Variants in ARHGAP5 observed in about 807,000 individuals in gnomAD.
The protein encoded by ARHGAP5 is Rho GTPase activating protein 5, also known as rho GTPase-activating protein 5.
ARHGAP5 carries 23 observed loss-of-function variants against 116.6 expected under a neutral mutation model. The ratio of observed to expected loss-of-function variants is 0.20; its 90% CI spans 0.14 to 0.28. The LOEUF is 0.28. ARHGAP5 is among the 10% of genes least tolerant of loss of function. The pLI is 1.00. For missense variants in ARHGAP5, 1,405 were observed against 1,774.8 expected, an observed-to-expected ratio of 0.79 and a Z score of 3.74; for synonymous variants, 574 against 602.0, an observed-to-expected ratio of 0.95 and a Z score of 0.68.
At chr14:32,130,366 C>T (rs924549084) in intron 3 of ARHGAP5, among the ~76,000 whole-genome samples, 3 of 149,534 alleles carry the variant, frequency 2.0e-5, no homozygotes, top group African/African-American at 7.4e-5. Context: ...TGCCTGCTAT[C>T]ACACCAGGCT....
intron 2 of ARHGAP5, 90 bp from the exon 3 acceptor site, chr14:32,117,050 C>A (rs1879639526): frequency 9.8e-7 from 1 of 1,020,426 alleles, no homozygotes; most frequent in Non-Finnish European, 1.3e-6. Context: ...TAAAATTTTT[C>A]TTTTGATCCG....
chr14:32,134,973 A>C (rs1207887211), intron 3 of ARHGAP5, among the ~76,000 whole-genome samples: 1 of 152,048 alleles, frequency 6.6e-6, no homozygotes, highest in Non-Finnish European at 1.5e-5. Context: ...CCAGTTGTCC[A>C]GGCCTCAGGT....
At chr14:32,104,814 C>T (rs1057025176) in intron 2 of ARHGAP5, among the ~76,000 whole-genome samples, 6 of 152,030 alleles carry the variant, frequency 3.9e-5, no homozygotes, top group Admixed American at 3.9e-4. Flanking sequence ...AGAAATATAT[C>T]TGTAGCTATT....
chr14:32,131,983 C>A (rs972099018), intron 3 of ARHGAP5, among the ~76,000 whole-genome samples: 2 of 152,194 alleles, frequency 1.3e-5, no homozygotes, highest in African/African-American at 2.4e-5. Flanking sequence ...CCAGTCTGTC[C>A]TTGTTGGACA....
chr14:32,143,227 G>GTTATTATTATTA (rs1277351875), intron 3 of ARHGAP5, among the ~76,000 whole-genome samples: 18 of 147,666 alleles, frequency 1.2e-4, no homozygotes, highest in African/African-American at 4.0e-4. Flanking sequence ...TGTTGTTGTT[G>GTTATTATTATTA]TTGTTGTTGT....
At chr14:32,142,403 G>C (rs1473522135) in intron 3 of ARHGAP5, among the ~76,000 whole-genome samples, 1 of 152,128 alleles carries the variant, frequency 6.6e-6, no homozygotes, top group African/African-American at 2.4e-5. Flanking sequence ...TGCTTTTGCT[G>C]TGTGTTGTTT....
At chr14:32,140,348 G>A (rs1427269583) in intron 3 of ARHGAP5, among the ~76,000 whole-genome samples, 1 of 151,774 alleles carries the variant, frequency 6.6e-6, no homozygotes, top group Non-Finnish European at 1.5e-5. Context: ...TTGGGAGGCC[G>A]AGGCAGGTGG....
intron 6 of ARHGAP5, 57 bp downstream of exon 6, chr14:32,152,585 A>T (rs994263557): frequency 5.5e-6 from 5 of 917,052 alleles, no homozygotes; most frequent in South Asian, 1.7e-5. Flanking sequence ...CATTTCAAAC[A>T]TGTAAATTTT....
rs1440220750 is a variant in ARHGAP5 at position 32,155,442 on chromosome 14, T to C, written c.*494T>C. 1 of 153,304 alleles carries C rather than the reference T, an allele frequency of 6.5e-6. No homozygotes were observed. The highest frequency in any genetic ancestry group is 1.5e-5 in the Non-Finnish European group (1 of 68,502). 9.5% of individuals were successfully genotyped at this position (153,304 alleles called of 1,614,324 possible). A position where few individuals can be genotyped will look rare whatever the true frequency, so the allele number is the denominator to read the frequency against. Reference sequence around the variant, plus strand: ...TAAGTATTTTATAATTTCAGGCTACTGAGGCCATGCTTGGGATGTTGTTTG... The same window carrying C: ...TAAGTATTTTATAATTTCAGGCTACCGAGGCCATGCTTGGGATGTTGTTTG... On this transcript the variant is annotated 3_prime_UTR_variant, in exon 7 of 7. Coordinates refer to ENST00000345122, the MANE Select transcript of ARHGAP5 (RefSeq NM_001030055.2).
intron 1 of ARHGAP5, among the ~76,000 whole-genome samples, chr14:32,077,899 C>CT (rs1479626075): frequency 6.6e-6 from 1 of 152,174 alleles, no homozygotes; most frequent in Non-Finnish European, 1.5e-5. Flanking sequence ...GAAACACAGT[C>CT]TCGGTTGCAA....
rs574848677 is a variant in ARHGAP5, at chr14:32,084,117, A to T, written c.-168-6385A>T. Reference sequence around the variant, plus strand: ...ATGTTATCAGAGTAGGGTGTACATTAAATAATAGGGTAGAAGTTAATGTGT... The same window carrying T: ...ATGTTATCAGAGTAGGGTGTACATTTAATAATAGGGTAGAAGTTAATGTGT... On this transcript the variant is annotated intron_variant, in intron 1 of 6. Coordinates refer to ENST00000345122, the MANE Select transcript of ARHGAP5 (RefSeq NM_001030055.2). 3.4e-3 allele frequency among the ~76,000 whole-genome samples: 521 copies of T among 152,310 alleles called. 3 individuals carry two copies. Among genetic ancestry groups the T allele is most frequent in the Non-Finnish European group, 5.0e-3 (340 of 68,016 alleles).
chr14:32,148,170 C>CTA (rs1407138384), intron 4 of ARHGAP5, among the ~76,000 whole-genome samples: 1 of 137,352 alleles, frequency 7.3e-6, no homozygotes, highest in Non-Finnish European at 1.6e-5. Flanking sequence ...AGAAATCTAT[C>CTA]TATCTATCTA....
At chr14:32,081,711 GT>G (rs1338928493) in intron 1 of ARHGAP5, among the ~76,000 whole-genome samples, 1 of 152,086 alleles carries the variant, frequency 6.6e-6, no homozygotes, top group Non-Finnish European at 1.5e-5. Flanking sequence ...ACTGTATTTG[GT>G]TTGTCAAACA....
chr14:32,151,940 T>A (rs1041685375), intron 5 of ARHGAP5, among the ~76,000 whole-genome samples: 43 of 152,300 alleles, frequency 2.8e-4, no homozygotes, highest in Non-Finnish European at 3.7e-4. Context: ...TTAATTTACA[T>A]AATTTAGCAG....
intron 2 of ARHGAP5, among the ~76,000 whole-genome samples, chr14:32,113,623 T>C (rs772959567): frequency 7.2e-5 from 11 of 152,344 alleles, no homozygotes; most frequent in Non-Finnish European, 1.3e-4. Context: ...TTTGCTTTCC[T>C]GTCACAACCC....
rs45512399 is a variant in ARHGAP5 at position 32,156,043 on chromosome 14, A to G, written c.*1095A>G. On this transcript the variant is annotated 3_prime_UTR_variant, in exon 7 of 7. Transcript: ENST00000345122. ...ACTCTTTGGAGTGTTTATATTACAAATTTGTATTCATATTCTTTTCTGTGA... is the reference window on the plus strand; with the variant it reads ...ACTCTTTGGAGTGTTTATATTACAAGTTTGTATTCATATTCTTTTCTGTGA... 107 of 152,590 alleles carry G rather than the reference A, an allele frequency of 7.0e-4. No homozygotes were observed. The Middle Eastern group carries it at 0.01, about 15-fold the overall frequency. The allele number at this position is 152,590 out of a possible 1,614,324, so 9.5% of individuals were successfully genotyped here.
rs1188110096 is a variant in ARHGAP5 at position 32,157,920 on chromosome 14, A to G, written c.*2972A>G. The stretch of plus-strand genomic sequence containing the variant: ...AATGAGAATTTAGGCCTTAGCTTCC[A>G]TGGTGATTTTTAGTTTTTTATACAG... On this transcript the variant is annotated 3_prime_UTR_variant, in exon 7 of 7. Transcript: ENST00000345122. 6.6e-6 allele frequency: 1 copy of G among 151,464 alleles called. No individual in the cohort carries two copies. The highest frequency in any genetic ancestry group is 1.5e-5 in the Non-Finnish European group (1 of 67,630). 9.4% of individuals were successfully genotyped at this position (151,464 alleles called of 1,614,324 possible).
At chr14:32,097,669 A>G (rs1167011210) in intron 2 of ARHGAP5, among the ~76,000 whole-genome samples, 1 of 152,166 alleles carries the variant, frequency 6.6e-6, no homozygotes, top group African/African-American at 2.4e-5. Flanking sequence ...AAGAAACAAA[A>G]TTGTCACTAT....
chr14:32,148,163 AATCTATCTATCTATCTATCTATCT>A (rs71441707), intron 4 of ARHGAP5, among the ~76,000 whole-genome samples: 6 of 147,438 alleles, frequency 4.1e-5, no homozygotes, highest in Non-Finnish European at 7.5e-5. Flanking sequence ...AAAAAAAAGA[AATCTATCTATCTATCTATCTATCT>A]ATCTATCTAT....
Sources: allele counts gnomAD v4.1 joint callset (sites outside exome capture counted in the v4.1 genomes callset), GRCh38; gene constraint gnomAD v4.1.1; transcripts MANE v1.5; gene names NCBI Gene and HGNC (gene_info 2026-07-23, HGNC 2026-07-21).